KIAA1549: variants seen among roughly 807,000 people sequenced by gnomAD.
KIAA1549 encodes the protein KIAA1549.
KIAA1549 carries 70 observed loss-of-function variants against 156.4 expected under a neutral mutation model. The ratio of observed to expected loss-of-function variants is 0.45; its 90% CI spans 0.37 to 0.55. The LOEUF is 0.55. Ranked by LOEUF, KIAA1549 falls within the 20% of genes least tolerant of loss-of-function variation. The pLI, the probability that KIAA1549 is intolerant of heterozygous loss-of-function variation, is 0.00. For synonymous variants in KIAA1549, 1,103 were observed against 1,066.4 expected (o/e 1.03, Z -0.67); for missense variants, 2,428 against 2,540.9 (o/e 0.96, Z 0.96).
At chr7:138,869,011 G>A (rs548810078) in intron 14 of KIAA1549, among the ~76,000 whole-genome samples, 72 of 152,326 alleles carry the variant, frequency 4.7e-4, no homozygotes, top group Non-Finnish European at 8.1e-4. Context: ...TAAGGAAAAC[G>A]CATCTATGTC....
At chr7:138,848,478 T>C (rs552856852) in intron 17 of KIAA1549, among the ~76,000 whole-genome samples, 78 of 152,262 alleles carry the variant, frequency 5.1e-4, no homozygotes, top group Non-Finnish European at 8.2e-4. Flanking sequence ...GCTTGGTTTT[T>C]AAATGCTAAA....
intron 1 of KIAA1549, among the ~76,000 whole-genome samples, chr7:138,925,538 G>A (rs1812686977): frequency 6.6e-6 from 1 of 152,092 alleles, no homozygotes; most frequent in African/African-American, 2.4e-5. Flanking sequence ...ATGCTAAATG[G>A]CCAGGTGCTA....
At chr7:138,955,885 G>A (rs569048) in intron 1 of KIAA1549, among the ~76,000 whole-genome samples, 40,160 of 151,878 alleles carry the variant, frequency 0.26, 5,844 homozygotes, top group African/African-American at 0.39. Flanking sequence ...AGGCACTGAC[G>A]GTTGTTTTTT....
intron 1 of KIAA1549, among the ~76,000 whole-genome samples, chr7:138,925,088 G>A (rs1246178513): frequency 6.6e-6 from 1 of 152,124 alleles, no homozygotes; most frequent in Non-Finnish European, 1.5e-5. Context: ...ACCTCGCCCT[G>A]GCCAGGTTCT....
intron 1 of KIAA1549, among the ~76,000 whole-genome samples, chr7:138,942,871 C>G (rs1263609215): frequency 6.6e-6 from 1 of 151,554 alleles, no homozygotes; most frequent in Non-Finnish European, 1.5e-5. Flanking sequence ...GATCGTGCCA[C>G]TGCACTCCAG....
At chr7:138,903,168 T>C (rs1406482730) in intron 8 of KIAA1549, among the ~76,000 whole-genome samples, 1 of 152,180 alleles carries the variant, frequency 6.6e-6, no homozygotes, top group Non-Finnish European at 1.5e-5. Flanking sequence ...GCAGCACGTC[T>C]CCCTCTATCT....
At position 138,929,014 on chromosome 7, in the gene KIAA1549, G is replaced by A. The variant is rs2130501549; in HGVS notation, c.188-9576C>T. Among the ~76,000 whole-genome samples, 5 of 152,338 alleles carry A rather than the reference G, an allele frequency of 3.3e-5. No individual in the cohort carries two copies. In the South Asian group the frequency reaches 1.0e-3, roughly 32 times the overall value. ...GAGTTGCAATCTTTTTGTTGGTGGT[G>A]TTTTATCTCAGTGTTGACGGCTGCT... On this transcript the variant is annotated intron_variant, in intron 1 of 19. Transcript: ENST00000422774.
Position 138,881,514 on chromosome 7 carries a change from A to G in KIAA1549, c.4103T>C (p.Ile1368Thr), listed in dbSNP as rs533299242. 10 of 1,613,994 alleles carry G rather than the reference A, an allele frequency of 6.2e-6. No homozygotes were observed. The highest frequency in any genetic ancestry group is 8.5e-6 in the Non-Finnish European group (10 of 1,179,892). The change falls in exon 11 of 20, where the codon ATA (isoleucine) becomes ACA (threonine). Residue 1368 changes from isoleucine (I) to threonine (T), a missense_variant. Transcript: ENST00000422774. ...TGGCGCTGGCTCATGAATAATCAATATGTCGTCTTTATTGTGCTGACCCAG... is the reference window on the plus strand; with the variant it reads ...TGGCGCTGGCTCATGAATAATCAATGTGTCGTCTTTATTGTGCTGACCCAG... ...QHLGQHNKDD[I>T]LIIHEPAPLP...
chr7:138,961,837 G>C (rs1813860215), intron 1 of KIAA1549, among the ~76,000 whole-genome samples: 2 of 130,332 alleles, frequency 1.5e-5, no homozygotes, highest in African/African-American at 3.3e-5. Flanking sequence ...TAGAGGCTCT[G>C]TCTCTTAAGA....
intron 1 of KIAA1549, among the ~76,000 whole-genome samples, chr7:138,937,852 A>G (rs1813063255): frequency 6.6e-6 from 1 of 152,174 alleles, no homozygotes; most frequent in South Asian, 2.1e-4. Flanking sequence ...TAATCTGCAG[A>G]AAGATGATCA....
At chr7:138,937,611 G>T (rs1387265303) in intron 1 of KIAA1549, among the ~76,000 whole-genome samples, 1 of 152,058 alleles carries the variant, frequency 6.6e-6, no homozygotes, top group African/African-American at 2.4e-5. Flanking sequence ...ATGAGGAGCC[G>T]AGAGAGAGAG....
chr7:138,923,574 T>G (rs1812624048), intron 1 of KIAA1549, among the ~76,000 whole-genome samples: 1 of 151,510 alleles, frequency 6.6e-6, no homozygotes, highest in African/African-American at 2.4e-5. Context: ...CACTCCAGCC[T>G]GGGCAACAGA....
In KIAA1549 at chr7:138,837,804, G is replaced by A. The variant is rs535820377; in HGVS notation, c.*102C>T. The A allele has an allele frequency of 3.3e-5, 46 of 1,379,346 alleles. 1 individual carries two copies. Among genetic ancestry groups the A allele is most frequent in the Admixed American group, 1.4e-4 (6 of 41,734 alleles). 85.4% of individuals were successfully genotyped at this position (1,379,346 alleles called of 1,614,324 possible). On this transcript the variant is annotated 3_prime_UTR_variant, in exon 20 of 20. Transcript: ENST00000422774. The stretch of plus-strand genomic sequence containing the variant: ...GCTCCCTCCCTTGGGCAGGCTGCCC[G>A]AGAGTTGCTCCTTCCTCTTCCAAAC...
intron 1 of KIAA1549, among the ~76,000 whole-genome samples, chr7:138,934,143 C>T (rs1812944351): frequency 6.6e-6 from 1 of 152,036 alleles, no homozygotes; most frequent in Admixed American, 6.6e-5. Context: ...GAGAGCACTG[C>T]TGATGGAGTA....
intron 1 of KIAA1549, among the ~76,000 whole-genome samples, chr7:138,960,578 G>A (rs1163505926): frequency 6.6e-6 from 1 of 151,976 alleles, no homozygotes; most frequent in East Asian, 1.9e-4. Flanking sequence ...CAAAAATGCT[G>A]GGATTACAGG....
chr7:138,906,803 A>G (rs903311120), intron 6 of KIAA1549, 116 bp downstream of exon 6: 14 of 798,588 alleles, frequency 1.8e-5, no homozygotes, highest in Non-Finnish European at 2.4e-5. Flanking sequence ...GCCTTATGGA[A>G]AAATAATTTT....
intron 14 of KIAA1549, among the ~76,000 whole-genome samples, chr7:138,869,030 G>A (rs902131850): frequency 6.6e-6 from 1 of 152,172 alleles, no homozygotes; most frequent in African/African-American, 2.4e-5. Flanking sequence ...TCGGGGACGG[G>A]AGTCTGGGAG....
At chr7:138,883,879 C>T (rs1343860318) in intron 10 of KIAA1549, among the ~76,000 whole-genome samples, 2 of 152,156 alleles carry the variant, frequency 1.3e-5, no homozygotes, top group Non-Finnish European at 2.9e-5. Context: ...TCCTGGTGTA[C>T]ACCGCCTAAA....
intron 1 of KIAA1549, among the ~76,000 whole-genome samples, chr7:138,948,965 A>C (rs572850670): frequency 1.3e-5 from 2 of 152,002 alleles, no homozygotes; most frequent in African/African-American, 4.8e-5. Flanking sequence ...TCAGCCTCCC[A>C]AAGTGCTGGG....
Sources: allele counts gnomAD v4.1 joint callset (sites outside exome capture counted in the v4.1 genomes callset), GRCh38; gene constraint gnomAD v4.1.1; transcripts MANE v1.5; gene names NCBI Gene and HGNC (gene_info 2026-07-23, HGNC 2026-07-21).